The following TMEM266 variants were observed in gnomAD, a reference collection of about 807,000 sequenced individuals.
TMEM266 encodes the protein Hv1 related protein 1.
A neutral mutation model predicts 50.5 loss-of-function variants in TMEM266; 33 were observed. The ratio of observed to expected loss-of-function variants is 0.65; its 90% CI spans 0.50 to 0.87. The LOEUF (loss-of-function observed/expected upper bound fraction) is 0.87. Ranked by LOEUF, TMEM266 falls within the 40% of genes least tolerant of loss-of-function variation. The probability of loss-of-function intolerance (pLI) is 0.00; values close to 1 mark genes in which losing one functional copy is unlikely to be tolerated. For synonymous variants in TMEM266, 310 were observed against 292.3 expected (o/e 1.06, Z -0.62); for missense variants, 655 against 695.1 (o/e 0.94, Z 0.65).
intron 1 of TMEM266, among the ~76,000 whole-genome samples, chr15:76,069,491 A>G (rs2036502085): frequency 6.6e-6 from 1 of 152,172 alleles, no homozygotes; most frequent in Non-Finnish European, 1.5e-5. Flanking sequence ...AGCTCAAGGT[A>G]CCAACCAGAG....
At chr15:76,131,520 A>G (rs775273683) in intron 1 of TMEM266, among the ~76,000 whole-genome samples, 15 of 152,222 alleles carry the variant, frequency 9.9e-5, no homozygotes, top group South Asian at 4.1e-4. Flanking sequence ...TATGTGATCA[A>G]TCTTAGTCTC....
chr15:76,106,508 C>T (rs939083740), intron 1 of TMEM266, among the ~76,000 whole-genome samples: 7 of 152,164 alleles, frequency 4.6e-5, no homozygotes, highest in Admixed American at 1.3e-4. Flanking sequence ...GGCGCAATCA[C>T]GGCTCACTGC....
chr15:76,064,598 C>T (rs775319221), intron 1 of TMEM266, among the ~76,000 whole-genome samples: 3 of 152,194 alleles, frequency 2.0e-5, no homozygotes, highest in Non-Finnish European at 2.9e-5. Flanking sequence ...GCTTTAATTG[C>T]TGCCCTAGGC....
chr15:76,123,901 C>T (rs998841175), intron 1 of TMEM266, among the ~76,000 whole-genome samples: 1 of 152,114 alleles, frequency 6.6e-6, no homozygotes, highest in South Asian at 2.1e-4. Flanking sequence ...TTAGTAGAGA[C>T]GGGGTTTCGC....
chr15:76,111,478 A>T (rs2037169791), intron 1 of TMEM266, among the ~76,000 whole-genome samples: 2 of 151,812 alleles, frequency 1.3e-5, no homozygotes, highest in South Asian at 4.2e-4. Flanking sequence ...AAGCCAATAG[A>T]TCTTAAATGT....
At chr15:76,110,757 C>G (rs1310098385) in intron 1 of TMEM266, among the ~76,000 whole-genome samples, 1 of 152,048 alleles carries the variant, frequency 6.6e-6, no homozygotes, top group Non-Finnish European at 1.5e-5. Flanking sequence ...GGAATTATGT[C>G]CAAAATATAT....
rs1454325607 is a variant in TMEM266, at chr15:76,168,278, C to G, written c.457-1538C>G. On this transcript the variant is annotated intron_variant, in intron 5 of 10. Coordinates refer to ENST00000388942, the MANE Select transcript of TMEM266 (RefSeq NM_152335.3). The surrounding 1 kb of genome is among the most constrained non-coding windows in gnomAD (Gnocchi z 4.4). ...TGCTCCTCTCTCTACTCAGAGAAGG[C>G]AACATGACTGTCCCCCACAAGCATT... Among the ~76,000 whole-genome samples, 1 of 152,222 alleles carries G rather than the reference C, an allele frequency of 6.6e-6. No homozygotes were observed. Among genetic ancestry groups the G allele is most frequent in the Non-Finnish European group, 1.5e-5 (1 of 68,040 alleles).
In TMEM266 at chr15:76,068,517, A is replaced by G. The variant is rs536294114; in HGVS notation, c.-97+8501A>G. Among the ~76,000 whole-genome samples the G allele has an allele frequency of 7.2e-5, 11 of 152,314 alleles. No homozygotes were observed. In the South Asian group the frequency reaches 1.5e-3, roughly 20 times the overall value. On this transcript the variant is annotated intron_variant, in intron 1 of 10. Coordinates refer to ENST00000388942, the MANE Select transcript of TMEM266 (RefSeq NM_152335.3). Reference sequence around the variant, plus strand: ...GTATATGTTGAAGCCCTAACCCCCAATGTGACTTATCAGGAGATAGGGTCT... The same window carrying G: ...GTATATGTTGAAGCCCTAACCCCCAGTGTGACTTATCAGGAGATAGGGTCT...
chr15:76,089,280 C>A (rs796745762), intron 1 of TMEM266, among the ~76,000 whole-genome samples: 19 of 86 alleles, frequency 0.22, no homozygotes, highest in Admixed American at 0.45. Flanking sequence ...CTGCAACTGC[C>A]GCTCCGGGTT....
rs2037874940 is a variant in TMEM266, at chr15:76,153,515, C to T, written c.228-3089C>T. 6.6e-6 allele frequency among the ~76,000 whole-genome samples: 1 copy of T among 152,206 alleles called. No homozygotes were observed. The highest frequency in any genetic ancestry group is 1.5e-5 in the Non-Finnish European group (1 of 68,042). On this transcript the variant is annotated intron_variant, in intron 3 of 10. Transcript: ENST00000388942. The surrounding 1 kb of genome is among the most constrained non-coding windows in gnomAD (Gnocchi z 4.2). ...GACATGCCATCAGTTTTAGGGGCCGCAGACAACGGTAATGGGCATTGGGGA... is the reference window on the plus strand; with the variant it reads ...GACATGCCATCAGTTTTAGGGGCCGTAGACAACGGTAATGGGCATTGGGGA...
In TMEM266 at chr15:76,142,260, A is replaced by G. The variant is rs142346946; in HGVS notation, c.227+4365A>G. Among the ~76,000 whole-genome samples the G allele has an allele frequency of 8.0e-3, 1,214 of 152,316 alleles. 3 individuals carry two copies. Among genetic ancestry groups the G allele is most frequent in the Middle Eastern group, 0.024 (7 of 294 alleles). On this transcript the variant is annotated intron_variant, in intron 3 of 10. Coordinates refer to ENST00000388942, the MANE Select transcript of TMEM266 (RefSeq NM_152335.3). ...AAAAATTAGCTGGGTGTGGTGGCGC[A>G]TGCCTGTAATCCCTGCTACTTGGGA...
At chr15:76,192,353 G>GGTGC (rs879506246) in intron 9 of TMEM266, among the ~76,000 whole-genome samples, 196 bp downstream of exon 9, 6,822 of 152,320 alleles carry the variant, frequency 0.045, 326 homozygotes, top group African/African-American at 0.12. Flanking sequence ...AGAGCATGTA[G>GGTGC]TCCAGCCACC....
chr15:76,173,327 A>C (rs1314958388), intron 7 of TMEM266, among the ~76,000 whole-genome samples: 1 of 152,208 alleles, frequency 6.6e-6, no homozygotes, highest in African/African-American at 2.4e-5. Flanking sequence ...CAAGAGAGGC[A>C]TGTGACCGAG....
chr15:76,165,351 T>C (rs2038078723), intron 5 of TMEM266, among the ~76,000 whole-genome samples: 1 of 152,230 alleles, frequency 6.6e-6, no homozygotes, highest in African/African-American at 2.4e-5. Context: ...TCTTCGCACC[T>C]CAGTTTCTGC....
chr15:76,143,880 C>T (rs1047979720), intron 3 of TMEM266, among the ~76,000 whole-genome samples: 1 of 152,144 alleles, frequency 6.6e-6, no homozygotes, highest in African/African-American at 2.4e-5. Context: ...GCCTAGGTCT[C>T]TCTCTCTCTC....
At chr15:76,121,002 C>T (rs1228832811) in intron 1 of TMEM266, among the ~76,000 whole-genome samples, 1 of 152,034 alleles carries the variant, frequency 6.6e-6, no homozygotes, top group Non-Finnish European at 1.5e-5. Flanking sequence ...TATAAATCTT[C>T]ACTAACTGGA....
chr15:76,140,198 C>A (rs1406119230), intron 3 of TMEM266, among the ~76,000 whole-genome samples: 1 of 152,214 alleles, frequency 6.6e-6, no homozygotes, highest in African/African-American at 2.4e-5. Context: ...GGATCTGCCT[C>A]GCTGCTGGAG....
chr15:76,119,722 G>A (rs1257997085), intron 1 of TMEM266, among the ~76,000 whole-genome samples: 3 of 151,946 alleles, frequency 2.0e-5, no homozygotes, highest in South Asian at 2.1e-4. Flanking sequence ...AGCCGAGATC[G>A]TGCCACAGCA....
intron 5 of TMEM266, among the ~76,000 whole-genome samples, chr15:76,167,266 C>T (rs1035015027): frequency 1.3e-5 from 2 of 151,846 alleles, no homozygotes; most frequent in South Asian, 2.1e-4. Flanking sequence ...GTCGGTAGAT[C>T]GAGACCATCC....
Sources: allele counts gnomAD v4.1 joint callset (sites outside exome capture counted in the v4.1 genomes callset), GRCh38; gene constraint gnomAD v4.1.1; non-coding constraint Gnocchi (gnomAD v3.1); transcripts MANE v1.5; gene names NCBI Gene and HGNC (gene_info 2026-07-23, HGNC 2026-07-21).